Variants in CTNNA2 observed in about 807,000 individuals in gnomAD.
CTNNA2 encodes the protein catenin alpha-2.
In CTNNA2, 42 loss-of-function variants were observed where a neutral mutation model predicts 101.0. That is an observed-to-expected ratio of 0.42 (90% CI 0.32 to 0.54). CTNNA2 has a LOEUF of 0.54. CTNNA2 is among the 20% of genes least tolerant of loss of function. The probability of loss-of-function intolerance (pLI) is 0.14; values close to 1 mark genes in which losing one functional copy is unlikely to be tolerated. For missense variants in CTNNA2, 871 were observed against 1,223.1 expected (o/e 0.71, Z 4.29); for synonymous variants, 450 against 456.4 (o/e 0.99, Z 0.18).
At chr2:79,786,606 G>A (rs142727322) in intron 3 of CTNNA2, among the ~76,000 whole-genome samples, 2,851 of 152,062 alleles carry the variant, frequency 0.019, 80 homozygotes, top group African/African-American at 0.064. Flanking sequence ...CCTCAGGTAC[G>A]TTAGAATACA....
chr2:79,428,195 C>T (rs1261576767), intron 4 of CTNNA2, among the ~76,000 whole-genome samples: 1 of 151,800 alleles, frequency 6.6e-6, no homozygotes, highest in Non-Finnish European at 1.5e-5. Flanking sequence ...GTTTAGCTCC[C>T]TTTGTGTTCC....
chr2:80,574,025 A>T, intron 12 of CTNNA2, 138 bp from the exon 13 acceptor site: 1 of 780,590 alleles, frequency 1.3e-6, no homozygotes, highest in Non-Finnish European at 2.1e-6. Context: ...AATTGGGCTC[A>T]CTTCAAACTG....
At chr2:80,325,703 A>G (rs1268047033) in intron 7 of CTNNA2, among the ~76,000 whole-genome samples, 1 of 152,198 alleles carries the variant, frequency 6.6e-6, no homozygotes, top group Non-Finnish European at 1.5e-5. Flanking sequence ...GTTTTGCTGC[A>G]TTCAGTAGAA....
At position 80,097,228 on chromosome 2, in the gene CTNNA2, C is replaced by G. The variant is rs183610934; in HGVS notation, c.1056+187431C>G. On this transcript the variant is annotated intron_variant, in intron 7 of 18. Transcript: ENST00000402739. Reference sequence around the variant, plus strand: ...TGGTGACAAAATCTCTCAGCATTTGCTTGTCTGTGAAGTATTTTATTTCTC... The same window carrying G: ...TGGTGACAAAATCTCTCAGCATTTGGTTGTCTGTGAAGTATTTTATTTCTC... Among the ~76,000 whole-genome samples the G allele has an allele frequency of 1.1e-3, 162 of 152,208 alleles. 4 individuals are homozygous for G. In the East Asian group the frequency reaches 0.022, roughly 21 times the overall value.
chr2:80,508,558 T>C (rs530766977), intron 9 of CTNNA2, among the ~76,000 whole-genome samples: 9 of 152,018 alleles, frequency 5.9e-5, no homozygotes, highest in Admixed American at 5.2e-4. Flanking sequence ...AGCTTTACCC[T>C]ACAACATATG....
At chr2:79,745,717 A>G (rs553873940) in intron 3 of CTNNA2, among the ~76,000 whole-genome samples, 2 of 152,320 alleles carry the variant, frequency 1.3e-5, no homozygotes, top group East Asian at 1.9e-4. Flanking sequence ...TTCACTTAGC[A>G]TAATGTCTTC....
At chr2:79,570,466 T>A (rs532949002) in intron 1 of CTNNA2, among the ~76,000 whole-genome samples, 2 of 152,274 alleles carry the variant, frequency 1.3e-5, no homozygotes, top group Non-Finnish European at 2.9e-5. Flanking sequence ...CAAATTGTTG[T>A]CATCCAATTT....
At chr2:80,099,352 G>A (rs566414521) in intron 7 of CTNNA2, among the ~76,000 whole-genome samples, 60 of 152,206 alleles carry the variant, frequency 3.9e-4, no homozygotes, top group Non-Finnish European at 6.9e-4. Flanking sequence ...CAGACCAAGG[G>A]AGGAGATAGT....
chr2:80,592,929 G>A (rs1004358641), intron 15 of CTNNA2, among the ~76,000 whole-genome samples: 17 of 152,066 alleles, frequency 1.1e-4, no homozygotes, highest in Admixed American at 1.3e-4. Flanking sequence ...GCAGTAATGC[G>A]GTAATACTTT....
chr2:80,011,251 C>T (rs2104021625), intron 7 of CTNNA2, among the ~76,000 whole-genome samples: 1 of 152,296 alleles, frequency 6.6e-6, no homozygotes, highest in Middle Eastern at 3.4e-3. Context: ...AACTCAGAGG[C>T]AGAGCTTGGT....
intron 7 of CTNNA2, among the ~76,000 whole-genome samples, chr2:80,118,212 A>AT (rs1248385652): frequency 1.3e-5 from 2 of 152,176 alleles, no homozygotes; most frequent in East Asian, 3.9e-4. Context: ...TTACCTGAAC[A>AT]TTTTTTGTAA....
intron 2 of CTNNA2, chr2:79,293,018 CTT>C (rs1234502510): frequency 2.0e-5 from 3 of 152,268 alleles, no homozygotes; most frequent in Non-Finnish European, 2.9e-5. Context: ...TGCTTTATCT[CTT>C]TGTCACATTT....
At chr2:80,309,737 C>T (rs1393797383) in intron 7 of CTNNA2, among the ~76,000 whole-genome samples, 1 of 150,964 alleles carries the variant, frequency 6.6e-6, no homozygotes, top group Non-Finnish European at 1.5e-5. Context: ...CACGGTCACC[C>T]AGGCTGGAGT....
chr2:79,448,725 T>A (rs1678858423), intron 4 of CTNNA2, among the ~76,000 whole-genome samples: 1 of 152,006 alleles, frequency 6.6e-6, no homozygotes, highest in South Asian at 2.1e-4. Context: ...ATTGACAGCT[T>A]TAGTTCTCGT....
intron 3 of CTNNA2, among the ~76,000 whole-genome samples, chr2:79,373,016 G>T (rs969765272): frequency 6.6e-6 from 1 of 152,102 alleles, no homozygotes; most frequent in Admixed American, 6.5e-5. Flanking sequence ...CCTAATAAAA[G>T]ATAATAAGGT....
chr2:80,114,133 T>C (rs1369479617), intron 7 of CTNNA2, among the ~76,000 whole-genome samples: 3 of 152,214 alleles, frequency 2.0e-5, no homozygotes, highest in Non-Finnish European at 4.4e-5. Context: ...TGTACATTGT[T>C]CTTCTATCCT....
At chr2:79,641,525 G>A (rs868626704) in intron 1 of CTNNA2, among the ~76,000 whole-genome samples, 7 of 152,112 alleles carry the variant, frequency 4.6e-5, no homozygotes, top group African/African-American at 1.4e-4. Context: ...TCTGAATTGC[G>A]GTGTTGCTGA....
chr2:79,491,138 C>T (rs1410007086), intron 4 of CTNNA2, among the ~76,000 whole-genome samples: 1 of 152,198 alleles, frequency 6.6e-6, no homozygotes, highest in Non-Finnish European at 1.5e-5. Flanking sequence ...TGTCTGCCTA[C>T]TCTGTACAGG....
At chr2:80,199,345 T>A (rs1463685340) in intron 7 of CTNNA2, among the ~76,000 whole-genome samples, 1 of 152,106 alleles carries the variant, frequency 6.6e-6, no homozygotes, top group Non-Finnish European at 1.5e-5. Context: ...TCCCTGAAAT[T>A]GAAGAGAGTT....
Sources: gnomAD v4.1 joint callset for allele counts (sites outside exome capture counted in the v4.1 genomes callset) on GRCh38, gnomAD v4.1.1 for gene constraint, MANE v1.5 for transcripts, NCBI Gene and HGNC (gene_info 2026-07-23, HGNC 2026-07-21) for gene names.